The following SLC16A2 variants were observed in gnomAD, a reference collection of about 807,000 sequenced individuals.
SLC16A2 encodes monocarboxylate transporter 8.
SLC16A2 carries 3 observed loss-of-function variants against 27.2 expected under a neutral mutation model. The ratio of observed to expected loss-of-function variants is 0.11; its 90% confidence interval spans 0.05 to 0.28. SLC16A2 has a LOEUF of 0.28. Among genes scored for constraint, SLC16A2 ranks in the 10% least tolerant of loss-of-function variants. The pLI is 1.00. For missense variants in SLC16A2, 295 were observed against 458.5 expected (o/e 0.64, Z 3.26); for synonymous variants, 202 against 187.8 (o/e 1.08, Z -0.62).
intron 1 of SLC16A2, among the ~76,000 whole-genome samples, chrX:74,425,577 A>G (rs1941197333): frequency 9.0e-6 from 1 of 111,138 alleles, no homozygotes; most frequent in Non-Finnish European, 1.9e-5. Flanking sequence ...AGGCCCAAGC[A>G]TAGCTTCTTG....
chrX:74,501,387 G>A (rs151088855), intron 1 of SLC16A2, among the ~76,000 whole-genome samples: 1,171 of 111,666 alleles, frequency 0.01, 61 homozygotes, highest in Admixed American at 0.1. Flanking sequence ...TTGGCAGACA[G>A]TACAGAGAAC....
intron 1 of SLC16A2, among the ~76,000 whole-genome samples, chrX:74,474,479 T>G (rs1304760530): frequency 2.2e-4 from 14 of 62,451 alleles, no homozygotes; most frequent in Non-Finnish European, 2.8e-4. Context: ...TTCCTTAGTG[T>G]TTTTTTTTTT....
At chrX:74,463,214 G>C (rs1929187082) in intron 1 of SLC16A2, among the ~76,000 whole-genome samples, 1 of 111,655 alleles carries the variant, frequency 9.0e-6, no homozygotes, top group African/African-American at 3.3e-5. Context: ...GAGCATTCCT[G>C]CTTTTATATT....
At chrX:74,439,164 C>CTTTCTTTCTTTCTTTCTTTCTT (rs1465694004) in intron 1 of SLC16A2, among the ~76,000 whole-genome samples, 1 of 82,791 alleles carries the variant, frequency 1.2e-5, no homozygotes, top group Non-Finnish European at 2.1e-5. Context: ...TCAACTCTTT[C>CTTTCTTTCTTTCTTTCTTTCTT]TTTCTTTCTT....
intron 1 of SLC16A2, among the ~76,000 whole-genome samples, chrX:74,480,524 C>T (rs950034344): frequency 8.9e-6 from 1 of 112,290 alleles, no homozygotes; most frequent in Non-Finnish European, 1.9e-5. Context: ...CAGTGAGATG[C>T]ACCCAGTACC....
intron 1 of SLC16A2, among the ~76,000 whole-genome samples, chrX:74,519,750 A>AAAAAAAC (rs1569298945): frequency 1.3e-5 from 1 of 75,939 alleles, no homozygotes; most frequent in Non-Finnish European, 2.8e-5. Flanking sequence ...AACGAAAGAA[A>AAAAAAAC]GAAAAAGAAA....
chrX:74,457,177 G>A (rs895298831), intron 1 of SLC16A2, among the ~76,000 whole-genome samples: 1 of 111,564 alleles, frequency 9.0e-6, no homozygotes, highest in South Asian at 3.8e-4. Flanking sequence ...TCTGAGGAAT[G>A]GAGTGATTTT....
intron 1 of SLC16A2, among the ~76,000 whole-genome samples, chrX:74,455,040 C>G (rs976385252): frequency 8.9e-5 from 10 of 112,213 alleles, no homozygotes; most frequent in Non-Finnish European, 1.7e-4. Flanking sequence ...TGCCTGGGTT[C>G]AAATTCAGAT....
chrX:74,515,217 A>C (rs1039390125), intron 1 of SLC16A2, among the ~76,000 whole-genome samples: 6 of 111,990 alleles, frequency 5.4e-5, no homozygotes, highest in Non-Finnish European at 9.4e-5. Context: ...AGATGAAATA[A>C]ATGGAAAATT....
At chrX:74,481,728 C>T (rs916978105) in intron 1 of SLC16A2, among the ~76,000 whole-genome samples, 4 of 105,756 alleles carry the variant, frequency 3.8e-5, no homozygotes, top group Middle Eastern at 4.3e-3. Flanking sequence ...TTTATTATTG[C>T]CTTCCTTCTG....
rs1569284648 is a variant in SLC16A2, at chrX:74,439,188, T to TTTCTTTCTTTCTTTCTTTC, written c.430+17122_430+17123insTCTTTCTTTCTTTCTTTCT. 1.2e-4 allele frequency among the ~76,000 whole-genome samples: 11 copies of TTTCTTTCTTTCTTTCTTTC among 91,023 alleles called. No individual in the cohort carries two copies. The East Asian group carries it at 3.2e-3, about 27-fold the overall frequency. The allele number at this position is 91,023 out of a possible 115,157, so 79.0% of individuals were successfully genotyped here. A position where few individuals can be genotyped will look rare whatever the true frequency, so the allele number is the denominator to read the frequency against. ...TCTTTCTTTCTTTCTTTCTTTCTTT[T>TTTCTTTCTTTCTTTCTTTC]TCTTTCTTTCTTTCTTTCTTCCTTC... On this transcript the variant is annotated intron_variant, in intron 1 of 5. Coordinates refer to ENST00000587091, the MANE Select transcript of SLC16A2 (RefSeq NM_006517.5).
chrX:74,433,138 G>A (rs1008937652), intron 1 of SLC16A2, among the ~76,000 whole-genome samples: 1 of 111,506 alleles, frequency 9.0e-6, no homozygotes, highest in Non-Finnish European at 1.9e-5. Context: ...TTGAGAGGCC[G>A]AAGTGGGTGG....
chrX:74,500,407 T>A (rs760526994), intron 1 of SLC16A2, among the ~76,000 whole-genome samples: 9 of 111,780 alleles, frequency 8.1e-5, no homozygotes, highest in South Asian at 3.8e-4. Context: ...ATGTATATTT[T>A]AAAAAAATTT....
chrX:74,532,052 G>GT lies in SLC16A2; in HGVS notation c.*499_*500insT. 1 of 153,204 alleles carries GT rather than the reference G, an allele frequency of 6.5e-6. No homozygotes were observed. 12.6% of individuals were successfully genotyped at this position (153,204 alleles called of 1,213,427 possible). A position where few individuals can be genotyped will look rare whatever the true frequency, so the allele number is the denominator to read the frequency against. On this transcript the variant is annotated 3_prime_UTR_variant, in exon 6 of 6. Coordinates refer to ENST00000587091, the MANE Select transcript of SLC16A2 (RefSeq NM_006517.5). ...AGTAGCCTTGGTTAGTCTTAGAGTT[G>GT]CTGATGACTGTGGCTTCCCAAGAAC...
chrX:74,479,247 C>G (rs1212439894), intron 1 of SLC16A2, among the ~76,000 whole-genome samples: 1 of 112,148 alleles, frequency 8.9e-6, no homozygotes, highest in African/African-American at 3.2e-5. Flanking sequence ...TCTTCCATCA[C>G]TGATACCCTT....
chrX:74,451,701 TGTACATGA>T (rs1012445121), intron 1 of SLC16A2, among the ~76,000 whole-genome samples: 1 of 112,724 alleles, frequency 8.9e-6, no homozygotes, highest in Non-Finnish European at 1.9e-5. Flanking sequence ...GAAGGAAGTG[TGTACATGA>T]GGGAAAATTG....
At chrX:74,472,981 T>C in intron 1 of SLC16A2, 1 of 456,962 alleles carries the variant, frequency 2.2e-6, no homozygotes, top group South Asian at 2.6e-5. Flanking sequence ...GCCACTTCTC[T>C]GGCTCTCCGC....
chrX:74,480,886 G>A (rs1429951957), intron 1 of SLC16A2, among the ~76,000 whole-genome samples: 2 of 111,871 alleles, frequency 1.8e-5, no homozygotes, highest in African/African-American at 3.2e-5. Context: ...CCATTATCAT[G>A]TTGAAAAAAT....
intron 1 of SLC16A2, among the ~76,000 whole-genome samples, chrX:74,439,221 T>C (rs1928689232): frequency 1.3e-5 from 1 of 78,408 alleles, no homozygotes; most frequent in Admixed American, 1.6e-4. Context: ...TTCCTTCCTT[T>C]CTCTCTCTCT....
Sources: allele counts gnomAD v4.1 joint callset (sites outside exome capture counted in the v4.1 genomes callset), GRCh38; gene constraint gnomAD v4.1.1; transcripts MANE v1.5; gene names NCBI Gene and HGNC (gene_info 2026-07-23, HGNC 2026-07-21).